The following PPP2R2B variants were observed in gnomAD, a reference collection of about 807,000 sequenced individuals.
PPP2R2B encodes protein phosphatase 2 regulatory subunit Bbeta, also known as serine/threonine-protein phosphatase 2A 55 kDa regulatory subunit B beta isoform.
Under a neutral mutation model 46.0 loss-of-function variants are expected in PPP2R2B, and 5 were observed. The ratio of observed to expected loss-of-function variants is 0.11; its 90% CI spans 0.06 to 0.23. The LOEUF is 0.23. Ranked by LOEUF, PPP2R2B falls within the 10% of genes least tolerant of loss-of-function variation. The pLI is 1.00. For synonymous variants in PPP2R2B, 215 were observed against 206.7 expected (o/e 1.04, Z -0.34); for missense variants, 367 against 575.0 (o/e 0.64, Z 3.70).
chr5:146,633,358 A>G (rs1325727109), intron 7 of PPP2R2B, among the ~76,000 whole-genome samples: 1 of 152,194 alleles, frequency 6.6e-6, no homozygotes, highest in African/African-American at 2.4e-5. Context: ...AACTGTCTCA[A>G]TTCCGATCAC....
At chr5:146,969,123 T>C (rs182853908) in intron 1 of PPP2R2B, among the ~76,000 whole-genome samples, 32 of 152,288 alleles carry the variant, frequency 2.1e-4, no homozygotes, top group African/African-American at 7.5e-4. Flanking sequence ...ATGAACTGCT[T>C]TGTAAGAAGT....
rs1460843901 is a variant in PPP2R2B at position 146,759,024 on chromosome 5, AC to A, written c.71-57883del. 2.6e-5 allele frequency among the ~76,000 whole-genome samples: 4 copies of A among 152,112 alleles called. No individual in the cohort carries two copies. In the East Asian group the frequency reaches 5.8e-4, roughly 22 times the overall value. On this transcript the variant is annotated intron_variant, in intron 2 of 9. Coordinates refer to ENST00000394411, the MANE Select transcript of PPP2R2B (RefSeq NM_181675.4). ...TCTGCTCTTTTATCTACAAAAACTT[AC>A]TTATTTTATTTGAAAACTTTTAATT...
chr5:146,873,386 A>G (rs2151413695), intron 2 of PPP2R2B, among the ~76,000 whole-genome samples: 1 of 152,264 alleles, frequency 6.6e-6, no homozygotes, highest in South Asian at 2.1e-4. Flanking sequence ...GCCAGATTAA[A>G]CTTCTAGAAA....
chr5:146,791,788 C>T lies in PPP2R2B; in HGVS notation c.70+86214G>A, dbSNP rs922249604. Among the ~76,000 whole-genome samples, 9 of 152,230 alleles carry T rather than the reference C, an allele frequency of 5.9e-5. No individual in the cohort carries two copies. In the South Asian group the frequency reaches 1.9e-3, roughly 32 times the overall value. ...CACACACTCACTACTATTTATTATACCAGACCACTGGCTGTCTCCCAGCAA... is the reference window on the plus strand; with the variant it reads ...CACACACTCACTACTATTTATTATATCAGACCACTGGCTGTCTCCCAGCAA... On this transcript the variant is annotated intron_variant, in intron 2 of 9. Transcript: ENST00000394411.
chr5:146,700,541 G>C (rs1270223270), intron 3 of PPP2R2B, among the ~76,000 whole-genome samples: 3 of 152,224 alleles, frequency 2.0e-5, no homozygotes, highest in African/African-American at 4.8e-5. Flanking sequence ...ACTGTGATGT[G>C]TGTCATAAGC....
At chr5:146,962,334 G>C (rs1427075137) in intron 1 of PPP2R2B, among the ~76,000 whole-genome samples, 2 of 151,644 alleles carry the variant, frequency 1.3e-5, no homozygotes, top group South Asian at 4.2e-4. Context: ...CAGAGAGAGA[G>C]AGAGAAAGAG....
intron 7 of PPP2R2B, among the ~76,000 whole-genome samples, chr5:146,636,310 G>A (rs952404952): frequency 7.2e-5 from 11 of 152,184 alleles, no homozygotes; most frequent in Non-Finnish European, 1.5e-4. Context: ...TAGGATAAAT[G>A]TTACATCTTT....
In PPP2R2B at chr5:146,624,079, A is replaced by G. The variant is rs546934370; in HGVS notation, c.790+14172T>C. ...TATGATGTAAGAAAAAAAACCAATC[A>G]TTGTCAGTGTTTCAGACTTAATGTT... On this transcript the variant is annotated intron_variant, in intron 7 of 9. Transcript: ENST00000394411. Among the ~76,000 whole-genome samples the G allele has an allele frequency of 1.8e-4, 27 of 152,288 alleles. 1 individual carries two copies. In the East Asian group the frequency reaches 2.5e-3, roughly 14 times the overall value.
At chr5:146,957,323 C>T (rs998197827) in intron 1 of PPP2R2B, among the ~76,000 whole-genome samples, 1 of 152,168 alleles carries the variant, frequency 6.6e-6, no homozygotes, top group African/African-American at 2.4e-5. Context: ...TGTAGTCTTG[C>T]TTCAGAAGCT....
intron 2 of PPP2R2B, among the ~76,000 whole-genome samples, chr5:146,726,895 G>A (rs116269702): frequency 0.013 from 1,955 of 152,250 alleles, 11 homozygotes; most frequent in Non-Finnish European, 0.02. Context: ...CTGTGGCTAT[G>A]TAAATGTTAG....
At chr5:146,995,423 G>A (rs1421338751) in intron 1 of PPP2R2B, among the ~76,000 whole-genome samples, 3 of 152,144 alleles carry the variant, frequency 2.0e-5, no homozygotes, top group African/African-American at 7.2e-5. Context: ...TGTAATTGGG[G>A]GTGTAACCAC....
At chr5:146,696,830 T>A (rs1341665464) in intron 4 of PPP2R2B, among the ~76,000 whole-genome samples, 1 of 152,220 alleles carries the variant, frequency 6.6e-6, no homozygotes, top group Non-Finnish European at 1.5e-5. Context: ...TTTGAGAGAT[T>A]TGGGGTTCAA....
intron 5 of PPP2R2B, among the ~76,000 whole-genome samples, chr5:146,665,272 T>C (rs1776916190): frequency 6.6e-6 from 1 of 152,236 alleles, no homozygotes; most frequent in Non-Finnish European, 1.5e-5. Flanking sequence ...CTCTGTTGTT[T>C]AGTGTAGCCA....
At chr5:146,955,657 TGCTTACTCTCAGA>T (rs762478387) in intron 1 of PPP2R2B, among the ~76,000 whole-genome samples, 16 of 152,128 alleles carry the variant, frequency 1.1e-4, no homozygotes, top group Non-Finnish European at 1.5e-4. Flanking sequence ...CAAAGGGGCT[TGCTTACTCTCAGA>T]GTGCAGGTGT....
intron 2 of PPP2R2B, among the ~76,000 whole-genome samples, chr5:146,732,835 T>C (rs1004690352): frequency 6.6e-6 from 1 of 152,186 alleles, no homozygotes; most frequent in Non-Finnish European, 1.5e-5. Flanking sequence ...TCCACCTCCA[T>C]ATAGACTGTA....
intron 1 of PPP2R2B, among the ~76,000 whole-genome samples, chr5:146,979,334 T>C (rs1028950526): frequency 1.3e-5 from 2 of 152,220 alleles, no homozygotes; most frequent in African/African-American, 2.4e-5. Flanking sequence ...TTTTTCTCCA[T>C]AGAATTCATC....
rs143212984 is a variant in PPP2R2B at position 146,976,108 on chromosome 5, TTTATTATTATTATTA to T, written c.79+79542_79+79556del. ...CCTAAAAGTTTCATTTTTTAAAAAA[TTTATTATTATTATTA>T]TTATTATTATTATTATTATTATTAT... On this transcript the variant is annotated intron_variant, in intron 1 of 8. Coordinates refer to the PPP2R2B transcript ENST00000336640. 3.2e-4 allele frequency among the ~76,000 whole-genome samples: 42 copies of T among 130,682 alleles called. No individual in the cohort carries two copies. The South Asian group carries it at 4.1e-3, about 13-fold the overall frequency. The allele number at this position is 130,682 out of a possible 152,430, so 85.7% of individuals were successfully genotyped here.
intron 7 of PPP2R2B, among the ~76,000 whole-genome samples, chr5:146,614,941 T>G (rs1456007469): frequency 4.9e-5 from 6 of 123,350 alleles, no homozygotes; most frequent in Middle Eastern, 3.6e-3. Context: ...GAAGTCAGTA[T>G]GGCGATTCCT....
chr5:146,686,865 T>C (rs1778536280), intron 5 of PPP2R2B, among the ~76,000 whole-genome samples: 6 of 152,134 alleles, frequency 3.9e-5, no homozygotes, highest in Admixed American at 2.6e-4. Flanking sequence ...TCCCATTACC[T>C]AGAAAGAGCT....
Sources: gnomAD v4.1 joint callset for allele counts (sites outside exome capture counted in the v4.1 genomes callset) on GRCh38, gnomAD v4.1.1 for gene constraint, MANE v1.5 for transcripts, NCBI Gene and HGNC (gene_info 2026-07-23, HGNC 2026-07-21) for gene names.